Variants in NUP155 observed in about 807,000 individuals in gnomAD.
NUP155 encodes nucleoporin 155.
Under a neutral mutation model 180.4 loss-of-function variants are expected in NUP155, and 71 were observed. The ratio of observed to expected loss-of-function variants is 0.39; its 90% confidence interval spans 0.33 to 0.48. NUP155 has a LOEUF of 0.48. NUP155 is among the 20% of genes least tolerant of loss of function. The pLI is 0.91. For synonymous variants in NUP155, 582 were observed against 559.5 expected, an observed-to-expected ratio of 1.04 and a Z score of -0.57; for missense variants, 1,553 against 1,648.9, an observed-to-expected ratio of 0.94 and a Z score of 1.01.
intron 12 of NUP155, among the ~76,000 whole-genome samples, chr5:37,334,384 CT>C (rs111817788): frequency 5.1e-4 from 74 of 145,720 alleles, no homozygotes; most frequent in South Asian, 4.8e-3. Flanking sequence ...CAGGCATTAC[CT>C]TTTTTTTTTT....
intron 14 of NUP155, 54 bp from the exon 15 acceptor site, chr5:37,330,186 T>G (rs1402614229): frequency 9.0e-6 from 11 of 1,227,028 alleles, no homozygotes; most frequent in Non-Finnish European, 1.2e-5. Context: ...TTAAAATGAT[T>G]TGTGTACTGC....
chr5:37,295,573 C>T (rs1316559377), intron 32 of NUP155, among the ~76,000 whole-genome samples: 1 of 147,522 alleles, frequency 6.8e-6, no homozygotes, highest in Non-Finnish European at 1.5e-5. Context: ...AGCATCTCTG[C>T]CCAGCCGCCA....
At chr5:37,368,595 G>A (rs1048983182) in intron 1 of NUP155, among the ~76,000 whole-genome samples, 1 of 151,748 alleles carries the variant, frequency 6.6e-6, no homozygotes, top group Non-Finnish European at 1.5e-5. Context: ...CGAGGCGGGC[G>A]GATCACATGA....
intron 33 of NUP155, among the ~76,000 whole-genome samples, 171 bp downstream of exon 33, chr5:37,294,158 G>A (rs1016355355): frequency 3.3e-5 from 5 of 151,886 alleles, no homozygotes; most frequent in East Asian, 1.9e-4. Flanking sequence ...ATACAGGAAA[G>A]CAACTCTCAT....
chr5:37,341,702 G>C (rs1159532633), intron 10 of NUP155, among the ~76,000 whole-genome samples: 1 of 152,030 alleles, frequency 6.6e-6, no homozygotes, highest in African/African-American at 2.4e-5. Flanking sequence ...CACCATGTCT[G>C]GCTAATTTTT....
intron 21 of NUP155, among the ~76,000 whole-genome samples, chr5:37,315,965 A>G (rs1158325148): frequency 1.3e-5 from 2 of 152,112 alleles, no homozygotes; most frequent in African/African-American, 4.8e-5. Flanking sequence ...ATAAACATAA[A>G]CATAAAATGC....
At chr5:37,339,219 G>C (rs1745551064) in intron 11 of NUP155, among the ~76,000 whole-genome samples, 1 of 150,976 alleles carries the variant, frequency 6.6e-6, no homozygotes, top group Non-Finnish European at 1.5e-5. Flanking sequence ...ACATGAGGCA[G>C]GAGGATTGCT....
intron 22 of NUP155, among the ~76,000 whole-genome samples, chr5:37,311,535 C>T (rs1212849826): frequency 6.6e-6 from 1 of 152,014 alleles, no homozygotes; most frequent in Non-Finnish European, 1.5e-5. Flanking sequence ...CAACAAAAGC[C>T]ACACTATTCA....
At chr5:37,318,917 C>T (rs1032286272) in intron 20 of NUP155, among the ~76,000 whole-genome samples, 8 of 152,180 alleles carry the variant, frequency 5.3e-5, no homozygotes, top group African/African-American at 1.9e-4. Context: ...TTTTCATCTA[C>T]AACATTAAAC....
intron 1 of NUP155, among the ~76,000 whole-genome samples, chr5:37,369,232 C>T (rs1016017254): frequency 6.6e-6 from 1 of 151,750 alleles, no homozygotes; most frequent in African/African-American, 2.4e-5. Context: ...AGCCTGGTAA[C>T]AGAACTAGAC....
chr5:37,345,510 CAA>C (rs570982659), intron 9 of NUP155, among the ~76,000 whole-genome samples: 10 of 67,116 alleles, frequency 1.5e-4, no homozygotes, highest in Admixed American at 1.8e-4. Flanking sequence ...GACTCCATTT[CAA>C]AAAAAAAAAA....
At position 37,331,666 on chromosome 5, in the gene NUP155, T is replaced by A. The variant is rs1231801589; in HGVS notation, c.1629+19A>T. 2 of 1,412,740 alleles carry A rather than the reference T, an allele frequency of 1.4e-6. No individual in the cohort carries two copies. The highest frequency in any genetic ancestry group is 1.7e-5 in the Admixed American group (1 of 59,264). The allele number at this position is 1,412,740 out of a possible 1,614,324, so 87.5% of individuals were successfully genotyped here. A position where few individuals can be genotyped will look rare whatever the true frequency, so the allele number is the denominator to read the frequency against. ...TTGTTTAAAATAGCATCACATTTTTTAAAAGTATATATAATTACCTGATGT... is the reference window on the plus strand; with the variant it reads ...TTGTTTAAAATAGCATCACATTTTTAAAAAGTATATATAATTACCTGATGT... On this transcript the variant is annotated intron_variant, in intron 14 of 34. Transcript: ENST00000231498.
intron 22 of NUP155, among the ~76,000 whole-genome samples, chr5:37,313,425 C>CT (rs1324723855): frequency 2.7e-5 from 4 of 146,016 alleles, no homozygotes; most frequent in African/African-American, 5.1e-5. Flanking sequence ...GACTCCATCT[C>CT]TTAAAAAAAA....
At chr5:37,349,040 G>A (rs1746289389) in intron 8 of NUP155, 132 bp downstream of exon 8, 1 of 335,322 alleles carries the variant, frequency 3.0e-6, no homozygotes. Flanking sequence ...ACAGGCTTGA[G>A]CCACCATGCC....
intron 32 of NUP155, among the ~76,000 whole-genome samples, chr5:37,296,885 T>G (rs1272500750): frequency 1.3e-5 from 2 of 152,072 alleles, no homozygotes; most frequent in African/African-American, 4.8e-5. Context: ...ACAGCCAAAT[T>G]TATAGTTATG....
intron 24 of NUP155, among the ~76,000 whole-genome samples, chr5:37,308,273 C>T (rs1743292312): frequency 6.6e-6 from 1 of 152,134 alleles, no homozygotes; most frequent in Non-Finnish European, 1.5e-5. Flanking sequence ...TACATTTCGG[C>T]TGGGCGCAGT....
intron 12 of NUP155, among the ~76,000 whole-genome samples, chr5:37,335,026 C>T (rs1745231238): frequency 6.6e-6 from 1 of 151,906 alleles, no homozygotes; most frequent in Admixed American, 6.6e-5. Context: ...GGTGTGGTGG[C>T]ACACGCCTGT....
intron 1 of NUP155, among the ~76,000 whole-genome samples, chr5:37,364,912 A>G (rs866101016): frequency 3.3e-5 from 5 of 151,848 alleles, no homozygotes; most frequent in South Asian, 2.1e-4. Context: ...CTAGGATTAC[A>G]GGTGTGAGCC....
At chr5:37,363,524 C>T (rs1747351871) in intron 3 of NUP155, among the ~76,000 whole-genome samples, 1 of 152,272 alleles carries the variant, frequency 6.6e-6, no homozygotes, top group African/African-American at 2.4e-5. Context: ...CATGCCTACT[C>T]CATAGAAATG....
Sources: gnomAD v4.1 joint callset for allele counts (sites outside exome capture counted in the v4.1 genomes callset) on GRCh38, gnomAD v4.1.1 for gene constraint, MANE v1.5 for transcripts, NCBI Gene and HGNC (gene_info 2026-07-23, HGNC 2026-07-21) for gene names.